FBN2: variants seen among roughly 807,000 people sequenced by gnomAD.
FBN2 encodes fibrillin 2.
FBN2 carries 105 observed loss-of-function variants against 355.6 expected under a neutral mutation model. That is an observed-to-expected ratio of 0.30 (90% CI 0.25 to 0.35). The LOEUF is 0.35. Among genes scored for constraint, FBN2 ranks in the 10% least tolerant of loss-of-function variants. The pLI, the probability that FBN2 is intolerant of heterozygous loss-of-function variation, is 1.00. For missense variants in FBN2, 3,280 were observed against 3,758.7 expected, an observed-to-expected ratio of 0.87 and a Z score of 3.33; for synonymous variants, 1,350 against 1,301.2, an observed-to-expected ratio of 1.04 and a Z score of -0.81.
intron 7 of FBN2, among the ~76,000 whole-genome samples, chr5:128,416,693 C>T (rs990337692): frequency 2.5e-4 from 38 of 152,078 alleles, no homozygotes; most frequent in African/African-American, 8.5e-4. Context: ...TGTTTTGGCA[C>T]CTTTGGTGAA....
intron 55 of FBN2, among the ~76,000 whole-genome samples, chr5:128,282,386 T>C (rs1022528495): frequency 1.3e-5 from 2 of 152,174 alleles, no homozygotes; most frequent in African/African-American, 4.8e-5. Context: ...GTCTGTTGCC[T>C]TGGTCTAATC....
chr5:128,309,555 A>T (rs1428757350), intron 40 of FBN2, among the ~76,000 whole-genome samples, 156 bp from the exon 41 acceptor site: 6 of 152,128 alleles, frequency 3.9e-5, no homozygotes, highest in Non-Finnish European at 7.4e-5. Flanking sequence ...CTTAAACATA[A>T]ATCATTTTTA....
At chr5:128,442,884 T>A (rs144429959) in intron 7 of FBN2, among the ~76,000 whole-genome samples, 9 of 151,780 alleles carry the variant, frequency 5.9e-5, no homozygotes, top group African/African-American at 2.2e-4. Flanking sequence ...AAAAAAAGAG[T>A]CGCAGGAGAA....
chr5:128,405,405 C>A (rs1478525885), intron 8 of FBN2, among the ~76,000 whole-genome samples: 1 of 152,022 alleles, frequency 6.6e-6, no homozygotes, highest in Non-Finnish European at 1.5e-5. Flanking sequence ...TTAGGTAAGG[C>A]TTTGAATGTT....
intron 5 of FBN2, among the ~76,000 whole-genome samples, chr5:128,480,712 G>A (rs1294490014): frequency 2.0e-5 from 3 of 152,158 alleles, no homozygotes; most frequent in Non-Finnish European, 2.9e-5. Context: ...GCGACAGAGC[G>A]AGACTCCTTC....
chr5:128,313,242 C>T (rs944650673), intron 36 of FBN2, among the ~76,000 whole-genome samples: 2 of 128,768 alleles, frequency 1.6e-5, no homozygotes, highest in East Asian at 4.5e-4. Flanking sequence ...ATCAACTAAT[C>T]TAAGGCTTTT....
intron 44 of FBN2, 56 bp downstream of exon 44, chr5:128,305,455 G>T: frequency 6.2e-7 from 1 of 1,600,794 alleles, no homozygotes; most frequent in East Asian, 2.2e-5. Flanking sequence ...TTTTTTGATA[G>T]GAAATCTAAG....
rs369714882 is a variant in FBN2 at position 128,537,577 on chromosome 5, G to A, written c.27C>T (p.Leu9=). MGRRRRLC[L]QLYFLWLGCV... ...AGCCCAGCCACAGGAAGTAGAGCTGGAGACACAGCCTCCGTCTTCTCCCCA... is the reference window on the plus strand; with the variant it reads ...AGCCCAGCCACAGGAAGTAGAGCTGAAGACACAGCCTCCGTCTTCTCCCCA... Residue 9 remains leucine (L), a synonymous_variant, in exon 1 of 65, where the codon CTC becomes CTT. Coordinates refer to ENST00000262464, the MANE Select transcript of FBN2 (RefSeq NM_001999.4). 1 of 1,606,990 alleles carries A rather than the reference G, an allele frequency of 6.2e-7. No individual in the cohort carries two copies. Among genetic ancestry groups the A allele is most frequent in the Non-Finnish European group, 8.5e-7 (1 of 1,178,052 alleles).
intron 58 of FBN2, among the ~76,000 whole-genome samples, chr5:128,277,289 G>T (rs1765418537): frequency 6.6e-6 from 1 of 152,178 alleles, no homozygotes; most frequent in African/African-American, 2.4e-5. Context: ...TCATATATAG[G>T]TGTGAGTGAG....
intron 27 of FBN2, among the ~76,000 whole-genome samples, chr5:128,337,421 T>C (rs936813237): frequency 1.3e-5 from 2 of 152,226 alleles, no homozygotes; most frequent in Admixed American, 6.5e-5. Flanking sequence ...GCCAGTATAC[T>C]AGGAACATAG....
intron 20 of FBN2, among the ~76,000 whole-genome samples, chr5:128,357,012 T>G (rs902587124): frequency 1.3e-5 from 2 of 152,166 alleles, no homozygotes; most frequent in African/African-American, 4.8e-5. Flanking sequence ...CATATGTGTG[T>G]GGTATGGAAA....
At chr5:128,479,970 CTCTCTCTA>C (rs1755121417) in intron 5 of FBN2, among the ~76,000 whole-genome samples, 5 of 24,320 alleles carry the variant, frequency 2.1e-4, no homozygotes, top group Non-Finnish European at 1.9e-4. Flanking sequence ...CTCTCTCTCT[CTCTCTCTA>C]TATATATATA....
At chr5:128,508,057 T>A (rs1226720033) in intron 5 of FBN2, among the ~76,000 whole-genome samples, 2 of 152,098 alleles carry the variant, frequency 1.3e-5, no homozygotes, top group African/African-American at 2.4e-5. Flanking sequence ...TGCTCTGAAA[T>A]CTTCTTTGTC....
intron 7 of FBN2, among the ~76,000 whole-genome samples, chr5:128,418,589 C>T (rs1252439533): frequency 1.3e-5 from 2 of 152,150 alleles, no homozygotes; most frequent in South Asian, 4.2e-4. Flanking sequence ...GTCCTTATTC[C>T]TTTCTTCATT....
intron 62 of FBN2, among the ~76,000 whole-genome samples, chr5:128,270,264 T>G (rs1765233426): frequency 6.6e-6 from 1 of 152,114 alleles, no homozygotes; most frequent in South Asian, 2.1e-4. Context: ...TGGTGGCTCA[T>G]GCTTGTAATC....
At position 128,533,273 on chromosome 5, in the gene FBN2, C is replaced by T. The variant is rs571610252; in HGVS notation, c.338-2580G>A. 5.9e-5 allele frequency among the ~76,000 whole-genome samples: 9 copies of T among 152,226 alleles called. No homozygotes were observed. In the South Asian group the frequency reaches 1.5e-3, roughly 25 times the overall value. On this transcript the variant is annotated intron_variant, in intron 2 of 64. Transcript: ENST00000262464. ...TTAGTCTAGGCTTAAGAGAGGAGAC[C>T]CAAAGTACCTCCACCCGGGTTCCAA...
chr5:128,376,915 C>T, intron 13 of FBN2, 62 bp from the exon 14 acceptor site: 1 of 1,592,894 alleles, frequency 6.3e-7, no homozygotes, highest in Non-Finnish European at 8.6e-7. Context: ...CCTTCTTCTT[C>T]CATAAACAAC....
chr5:128,452,300 A>C (rs1401309448), intron 6 of FBN2, among the ~76,000 whole-genome samples: 1 of 152,156 alleles, frequency 6.6e-6, no homozygotes, highest in Non-Finnish European at 1.5e-5. Context: ...TATTTCTTTA[A>C]ATTTTGAATT....
intron 34 of FBN2, among the ~76,000 whole-genome samples, chr5:128,324,619 CTT>C (rs1166002656): frequency 1.2e-4 from 17 of 137,654 alleles, no homozygotes; most frequent in Non-Finnish European, 1.4e-4. Flanking sequence ...TTTTCTTTTT[CTT>C]TTTTTTTTTT....
Sources: gnomAD v4.1 joint callset for allele counts (sites outside exome capture counted in the v4.1 genomes callset) on GRCh38, gnomAD v4.1.1 for gene constraint, MANE v1.5 for transcripts, NCBI Gene and HGNC (gene_info 2026-07-23, HGNC 2026-07-21) for gene names.